AJAP1: variants seen among roughly 807,000 people sequenced by gnomAD.
The protein encoded by AJAP1 is adherens junctions associated protein 1.
Under a neutral mutation model 35.0 loss-of-function variants are expected in AJAP1, and 5 were observed. The observed-to-expected ratio is 0.14, with a 90% CI of 0.07 to 0.30. The LOEUF (loss-of-function observed/expected upper bound fraction) is 0.30, where lower values mean the gene tolerates loss of function less well. Ranked by LOEUF, AJAP1 falls within the 10% of genes least tolerant of loss-of-function variation. The pLI is 1.00. For synonymous variants in AJAP1, 284 were observed against 249.3 expected (o/e 1.14, Z -1.31); for missense variants, 586 against 571.0 (o/e 1.03, Z -0.27).
chr1:4,748,066 C>T (rs1006013610), intron 2 of AJAP1, among the ~76,000 whole-genome samples: 4 of 152,068 alleles, frequency 2.6e-5, no homozygotes, highest in Admixed American at 6.6e-5. Flanking sequence ...TGTGTCCCCG[C>T]ACCCAGATTT....
At chr1:4,671,737 G>A (rs1639253708) in intron 1 of AJAP1, among the ~76,000 whole-genome samples, 1 of 152,172 alleles carries the variant, frequency 6.6e-6, no homozygotes, top group African/African-American at 2.4e-5. Context: ...AAAGGTATAG[G>A]CCCATTATTT....
In AJAP1 at chr1:4,783,521, G is replaced by GTATA. The variant is rs36004956; in HGVS notation, c.*1056_*1059dup. On this transcript the variant is annotated 3_prime_UTR_variant, in exon 6 of 6. Transcript: ENST00000378191. ...TATATATATATATATGTTTGTGTGTGTATATATATATATATATATATATGT... is the reference window on the plus strand; with the variant it reads ...TATATATATATATATGTTTGTGTGTGTATATATATATATATATATATATATATGT... The GTATA allele has an allele frequency of 2.1e-3, 256 of 120,400 alleles. No homozygotes were observed. Among genetic ancestry groups the GTATA allele is most frequent in the African/African-American group, 4.6e-3 (145 of 31,688 alleles). 7.5% of individuals were successfully genotyped at this position (120,400 alleles called of 1,614,324 possible). A position where few individuals can be genotyped will look rare whatever the true frequency, so the allele number is the denominator to read the frequency against.
chr1:4,722,752 T>C (rs191887944), intron 2 of AJAP1, among the ~76,000 whole-genome samples: 1 of 152,308 alleles, frequency 6.6e-6, no homozygotes, highest in Non-Finnish European at 1.5e-5. Flanking sequence ...GCTGTCTCCC[T>C]GTGTCTGTCT....
At chr1:4,733,688 G>A (rs372270644) in intron 2 of AJAP1, among the ~76,000 whole-genome samples, 3 of 151,740 alleles carry the variant, frequency 2.0e-5, no homozygotes, top group Non-Finnish European at 4.4e-5. Flanking sequence ...GGGAGGATTC[G>A]GTTCATCCTG....
rs900831781 is a variant in AJAP1 at position 4,723,093 on chromosome 1, C to G, written c.829+10394C>G. Among the ~76,000 whole-genome samples, 11 of 152,288 alleles carry G rather than the reference C, an allele frequency of 7.2e-5. No homozygotes were observed. The highest frequency in any genetic ancestry group is 4.6e-4 in the Admixed American group (7 of 15,292). ...TTGTAGAGAGGTGGGACGCGAGCCC[C>G]AAGAGAGCATCGGCTGGGGAGTAAG... On this transcript the variant is annotated intron_variant, in intron 2 of 5. Coordinates refer to ENST00000378191, the MANE Select transcript of AJAP1 (RefSeq NM_018836.4). This position sits in a 1 kb window ranked among gnomAD's most constrained non-coding sequence, Gnocchi z 4.3.
chr1:4,748,101 G>A (rs1641232872), intron 2 of AJAP1, among the ~76,000 whole-genome samples: 1 of 151,924 alleles, frequency 6.6e-6, no homozygotes, highest in Non-Finnish European at 1.5e-5. Flanking sequence ...GCCCTACACA[G>A]TGTCAACCTG....
At chr1:4,757,403 G>A (rs1412461412) in intron 2 of AJAP1, among the ~76,000 whole-genome samples, 2 of 152,238 alleles carry the variant, frequency 1.3e-5, no homozygotes, top group Non-Finnish European at 2.9e-5. Context: ...GGGTCTCTCA[G>A]TCTCCCGTGG....
chr1:4,680,656 G>A (rs933164123), intron 1 of AJAP1, among the ~76,000 whole-genome samples: 10 of 152,240 alleles, frequency 6.6e-5, no homozygotes, highest in Non-Finnish European at 8.8e-5. Context: ...CCACCCTTGA[G>A]TCTGGTACAT....
intron 1 of AJAP1, among the ~76,000 whole-genome samples, chr1:4,706,990 G>C (rs375242633): frequency 6.6e-6 from 1 of 152,134 alleles, no homozygotes; most frequent in East Asian, 1.9e-4. Flanking sequence ...TCATGGGCTC[G>C]AGGCTGCTGA....
At chr1:4,759,783 T>C (rs945096569) in intron 2 of AJAP1, among the ~76,000 whole-genome samples, 3 of 152,148 alleles carry the variant, frequency 2.0e-5, no homozygotes, top group African/African-American at 2.4e-5. Flanking sequence ...AAGCTAAACG[T>C]AGGCTCTGAA....
At chr1:4,705,434 A>T (rs12723981) in intron 1 of AJAP1, among the ~76,000 whole-genome samples, 1,669 of 82,008 alleles carry the variant, frequency 0.02, 14 homozygotes, top group Non-Finnish European at 0.03. Flanking sequence ...TTTTTTAATG[A>T]GTACTCCTCC....
chr1:4,790,053 C>A lies in AJAP1; in HGVS notation c.*7568C>A, dbSNP rs1642225684. 6.6e-6 allele frequency: 1 copy of A among 152,242 alleles called. No homozygotes were observed. The highest frequency in any genetic ancestry group is 2.4e-5 in the African/African-American group (1 of 41,442). 9.4% of individuals were successfully genotyped at this position (152,242 alleles called of 1,614,324 possible). On this transcript the variant is annotated 3_prime_UTR_variant, in exon 6 of 6. Transcript: ENST00000378191. ...TTCGAAACCCACTGTGACACCCCAA[C>A]CCTAATTTCCAACCTTTGGAGGACT...
chr1:4,757,058 T>A (rs1487034412), intron 2 of AJAP1, among the ~76,000 whole-genome samples: 4 of 151,652 alleles, frequency 2.6e-5, no homozygotes, highest in Middle Eastern at 3.2e-3. Flanking sequence ...CACACATGAG[T>A]CGTTGTTTGG....
rs368096391 is a variant in AJAP1, at chr1:4,775,945, G to T, written c.*59+1387G>T. Among the ~76,000 whole-genome samples, 8 of 152,234 alleles carry T rather than the reference G, an allele frequency of 5.3e-5. No individual in the cohort carries two copies. The East Asian group carries it at 1.3e-3, about 26-fold the overall frequency. ...CGCAGGGAGCTGGCTTGCTAGCAGT[G>T]TAGTCCGCGACCCGCCTGGTAAAGC... is the stretch of plus-strand genomic sequence containing the variant. On this transcript the variant is annotated intron_variant, in intron 5 of 5. Coordinates refer to ENST00000378191, the MANE Select transcript of AJAP1 (RefSeq NM_018836.4).
Position 4,766,032 on chromosome 1 carries a change from G to C in AJAP1, c.830-3821G>C, listed in dbSNP as rs577718448. On this transcript the variant is annotated intron_variant, in intron 2 of 5. Coordinates refer to ENST00000378191, the MANE Select transcript of AJAP1 (RefSeq NM_018836.4). ...TGCAGTTTGATTCCAAGCATTAACC[G>C]ATCATCCAAAACTAAGAATATGCTT... Among the ~76,000 whole-genome samples, 3 of 152,294 alleles carry C rather than the reference G, an allele frequency of 2.0e-5. No homozygotes were observed. The East Asian group carries it at 5.8e-4, about 29-fold the overall frequency.
chr1:4,745,281 C>T (rs1162498541), intron 2 of AJAP1, among the ~76,000 whole-genome samples: 2 of 152,140 alleles, frequency 1.3e-5, no homozygotes, highest in African/African-American at 2.4e-5. Flanking sequence ...CTGCCAGCAC[C>T]GAGAAGGCTG....
rs1036866377 is a variant in AJAP1, at chr1:4,655,557, C to T, written c.29+103C>T. 1.1e-5 allele frequency: 15 copies of T among 1,415,530 alleles called. 1 individual carries two copies. Among genetic ancestry groups the T allele is most frequent in the South Asian group, 1.3e-5 (1 of 78,380 alleles). 87.7% of individuals were successfully genotyped at this position (1,415,530 alleles called of 1,614,324 possible). ...TTGCAAATCAAGGGACCCCTCTTCG[C>T]TTCCCGCAAGCGGGCAACGGGGTGC... On this transcript the variant is annotated intron_variant, in intron 1 of 5. Coordinates refer to ENST00000378191, the MANE Select transcript of AJAP1 (RefSeq NM_018836.4). This position sits in a 1 kb window ranked among gnomAD's most constrained non-coding sequence, Gnocchi z 6.9.
chr1:4,776,605 G>A (rs369222694), intron 5 of AJAP1, among the ~76,000 whole-genome samples: 1 of 152,202 alleles, frequency 6.6e-6, no homozygotes, highest in East Asian at 1.9e-4. Flanking sequence ...ATCTGCCCCA[G>A]AAAACCTTCG....
At position 4,747,391 on chromosome 1, in the gene AJAP1, T is replaced by C. The variant is rs553961377; in HGVS notation, c.830-22462T>C. 1.1e-4 allele frequency among the ~76,000 whole-genome samples: 16 copies of C among 152,338 alleles called. 1 individual carries two copies. In the South Asian group the frequency reaches 3.3e-3, roughly 32 times the overall value. ...TGGGGGCCCTCATGTAGCTTCTGTCTCTTGCTGCTGTCTTGCAGACCGGGT... is the reference window on the plus strand; with the variant it reads ...TGGGGGCCCTCATGTAGCTTCTGTCCCTTGCTGCTGTCTTGCAGACCGGGT... On this transcript the variant is annotated intron_variant, in intron 2 of 5. Transcript: ENST00000378191.
Sources: gnomAD v4.1 joint callset for allele counts (sites outside exome capture counted in the v4.1 genomes callset) on GRCh38, gnomAD v4.1.1 for gene constraint, Gnocchi (gnomAD v3.1) non-coding constraint, MANE v1.5 for transcripts, NCBI Gene and HGNC (gene_info 2026-07-23, HGNC 2026-07-21) for gene names.